Variants in DAAM2 observed in about 807,000 individuals in gnomAD.
DAAM2 encodes dishevelled associated activator of morphogenesis 2, also known as disheveled-associated activator of morphogenesis 2.
DAAM2 carries 39 observed loss-of-function variants against 120.7 expected under a neutral mutation model. The observed-to-expected ratio is 0.32, with a 90% confidence interval of 0.25 to 0.42. DAAM2 has a LOEUF of 0.42. Among genes scored for constraint, DAAM2 ranks in the 10% least tolerant of loss-of-function variants. DAAM2 has a pLI of 1.00. For synonymous variants in DAAM2, 488 were observed against 524.9 expected (o/e 0.93, Z 0.96); for missense variants, 1,283 against 1,401.7 (o/e 0.92, Z 1.35).
chr6:39,875,433 C>T lies in DAAM2; in HGVS notation c.1266C>T (p.Pro422=), dbSNP rs766458438. 2.2e-5 allele frequency: 35 copies of T among 1,613,830 alleles called. No individual in the cohort carries two copies. Among genetic ancestry groups the T allele is most frequent in the Non-Finnish European group, 2.9e-5 (34 of 1,179,860 alleles). The part of the protein sequence containing the change: ...DERGVDPDLA[P]LENFNVKNIV... ...GGGGTGTGGACCCTGACCTGGCTCC[C>T]TTGGAGAACTTCAATGTCAAGAACA... is the stretch of plus-strand genomic sequence containing the variant. Residue 422 remains proline, a synonymous_variant, in exon 11 of 25, where the codon CCC becomes CCT. Coordinates refer to ENST00000274867, the MANE Select transcript of DAAM2 (RefSeq NM_001201427.2).
intron 1 of DAAM2, among the ~76,000 whole-genome samples, chr6:39,804,824 G>C (rs1561994316): frequency 6.6e-6 from 1 of 152,192 alleles, no homozygotes; most frequent in Non-Finnish European, 1.5e-5. Flanking sequence ...GCAAAGTGCT[G>C]TGTAAGTCTT....
At chr6:39,798,560 C>T (rs985064244) in intron 1 of DAAM2, among the ~76,000 whole-genome samples, 1 of 152,154 alleles carries the variant, frequency 6.6e-6, no homozygotes. Context: ...TTTAAGACAA[C>T]ACAGATCAGG....
intron 1 of DAAM2, among the ~76,000 whole-genome samples, chr6:39,799,974 G>A (rs768122655): frequency 6.6e-6 from 1 of 152,192 alleles, no homozygotes; most frequent in Non-Finnish European, 1.5e-5. Context: ...ATGTTACTCT[G>A]TAGCATACTT....
chr6:39,878,309 C>T lies in DAAM2; in HGVS notation c.1360+48C>T, dbSNP rs776598872. On this transcript the variant is annotated intron_variant, in intron 12 of 24. Coordinates refer to ENST00000274867, the MANE Select transcript of DAAM2 (RefSeq NM_001201427.2). This position sits in a 1 kb window ranked among gnomAD's most constrained non-coding sequence, Gnocchi z 5.0. ...GCTGTCCACTCCACATGCCCTTCCC[C>T]TGCCCAGCCCATAACTCCATGCCCT... 6 of 1,612,312 alleles carry T rather than the reference C, an allele frequency of 3.7e-6. No homozygotes were observed. The highest frequency in any genetic ancestry group is 1.1e-5 in the South Asian group (1 of 90,814).
chr6:39,901,941 C>A lies in DAAM2; in HGVS notation c.3111C>A (p.Asp1037Glu), dbSNP rs1443034711. ...CCCTGCGCTCTGGGGAGGTCTTCGA[C>A]AAGGACTTATGCAAGCTCAAGCGCA... ...VSALRSGEVF[D>E]KDLCKLKRSR... The change falls in exon 25 of 25, where the codon GAC (aspartate) becomes GAA (glutamate). Residue 1037 changes from aspartate to glutamate, a missense_variant. By Grantham distance (45) the Asp-to-Glu change is conservative (BLOSUM62 2). Coordinates refer to ENST00000274867, the MANE Select transcript of DAAM2 (RefSeq NM_001201427.2). The surrounding 1 kb of genome is among the most constrained non-coding windows in gnomAD (Gnocchi z 4.5). The A allele has an allele frequency of 6.2e-7, 1 of 1,612,140 alleles. No individual in the cohort carries two copies. The highest frequency in any genetic ancestry group is 8.5e-7 in the Non-Finnish European group (1 of 1,178,546).
rs771206720 is a variant in DAAM2 at position 39,867,653 on chromosome 6, G to A, written c.572G>A (p.Arg191Gln). The A allele has an allele frequency of 3.7e-6, 6 of 1,613,900 alleles. No individual in the cohort carries two copies. The highest frequency in any genetic ancestry group is 4.2e-6 in the Non-Finnish European group (5 of 1,179,908). ...GCATTGATGAACAACTCCCAGGGGC[G>A]GGCACATGTGCTGGCACAGCCTGAG... ...IKALMNNSQG[R>Q]AHVLAQPEAI... The change falls in exon 6 of 25, where the codon CGG becomes CAG. Residue 191 changes from arginine (R) to glutamine (Q), a missense_variant. Physicochemically the swap from Arg to Gln is conservative, Grantham distance 43 (BLOSUM62 1). Around this residue, in one of 3 missense-constraint regions of DAAM2, gnomAD observed 338 missense variants for 443.9 expected, o/e 0.76. Coordinates refer to ENST00000274867, the MANE Select transcript of DAAM2 (RefSeq NM_001201427.2).
intron 10 of DAAM2, among the ~76,000 whole-genome samples, chr6:39,874,441 A>G (rs1259830448): frequency 6.6e-6 from 1 of 152,224 alleles, no homozygotes; most frequent in Non-Finnish European, 1.5e-5. Context: ...GTCTTCATGA[A>G]GGGCATAGAA....
intron 8 of DAAM2, among the ~76,000 whole-genome samples, chr6:39,871,171 G>A (rs1764644819): frequency 6.6e-6 from 1 of 152,178 alleles, no homozygotes; most frequent in African/African-American, 2.4e-5. Flanking sequence ...GGCATCTAGT[G>A]GGTGGAGGCT....
chr6:39,859,871 G>A (rs915915510), intron 2 of DAAM2, among the ~76,000 whole-genome samples: 5 of 151,962 alleles, frequency 3.3e-5, no homozygotes, highest in Admixed American at 3.3e-4. Context: ...AAAGTATAGG[G>A]AAAAGATTAC....
At chr6:39,870,959 A>G (rs1764636572) in intron 8 of DAAM2, among the ~76,000 whole-genome samples, 2 of 152,326 alleles carry the variant, frequency 1.3e-5, no homozygotes, top group Admixed American at 6.5e-5. Context: ...TTTAAGGGAC[A>G]GAGGATGGAT....
intron 7 of DAAM2, 46 bp downstream of exon 7, chr6:39,868,979 C>G (rs749033329): frequency 5.1e-6 from 7 of 1,365,294 alleles, no homozygotes; most frequent in Non-Finnish European, 7.2e-6. Flanking sequence ...ACTTTCTGGA[C>G]CTGGGGTAGA....
chr6:39,801,515 C>A (rs1196799242), intron 1 of DAAM2, among the ~76,000 whole-genome samples: 2 of 152,196 alleles, frequency 1.3e-5, no homozygotes, highest in African/African-American at 4.8e-5. Flanking sequence ...GGGGTGGTCC[C>A]AAGGGACCCT....
At position 39,904,636 on chromosome 6, in the gene DAAM2, CTGT is replaced by C. The variant is rs1286151210; in HGVS notation, c.*2601_*2603del. On this transcript the variant is annotated 3_prime_UTR_variant, in exon 25 of 25. Coordinates refer to ENST00000274867, the MANE Select transcript of DAAM2 (RefSeq NM_001201427.2). ...ATTCTCCAGGTGAATGGGGAAGGGT[CTGT>C]TCCAGCCTCTCCCTACTCCCATCCC... The C allele has an allele frequency of 8.8e-6, 4 of 454,016 alleles. No homozygotes were observed. Among genetic ancestry groups the C allele is most frequent in the African/African-American group, 2.0e-5 (1 of 49,988 alleles). 28.1% of individuals were successfully genotyped at this position (454,016 alleles called of 1,614,324 possible). A position where few individuals can be genotyped will look rare whatever the true frequency, so the allele number is the denominator to read the frequency against.
At chr6:39,856,544 C>G in intron 2 of DAAM2, 74 bp downstream of exon 2, 1 of 1,233,384 alleles carries the variant, frequency 8.1e-7, no homozygotes, top group Non-Finnish European at 1.1e-6. Context: ...GGACAGAGGG[C>G]AGGGCCCCTG....
intron 1 of DAAM2, among the ~76,000 whole-genome samples, chr6:39,806,424 T>TATG (rs1762011588): frequency 6.6e-6 from 1 of 152,214 alleles, no homozygotes; most frequent in Admixed American, 6.5e-5. Context: ...CATATAGCTA[T>TATG]GTGCCTTGAA....
In DAAM2 at chr6:39,868,885, A is replaced by C. The variant is rs1449867140; in HGVS notation, c.825A>C (p.Thr275=). ...ACCGGGATGAAGTGAATCTGAAAAC[A>C]GCCATCATGTCCTTCATCAATGCTG... ...GRYRDEVNLK[T]AIMSFINAVL... is the part of the protein sequence containing the mutation. The change falls in exon 7 of 25, where the codon ACA becomes ACC. Residue 275 remains threonine, a synonymous_variant. Transcript: ENST00000274867. 2 of 1,589,230 alleles carry C rather than the reference A, an allele frequency of 1.3e-6. No homozygotes were observed. Among genetic ancestry groups the C allele is most frequent in the Non-Finnish European group, 8.6e-7 (1 of 1,167,800 alleles).
chr6:39,873,233 C>T lies in DAAM2; in HGVS notation c.1045-5C>T, dbSNP rs1764734963. The T allele has an allele frequency of 6.2e-7, 1 of 1,600,638 alleles. No individual in the cohort carries two copies. Among genetic ancestry groups the T allele is most frequent in the Non-Finnish European group, 8.5e-7 (1 of 1,170,364 alleles). ...CACTGATCACTGTGCCCTCTTCTCT[C>T]CCAGGTCCACATCGACACCAAGAGT... is the stretch of plus-strand genomic sequence containing the variant. On this transcript the variant is annotated splice_polypyrimidine_tract_variant and splice_region_variant and intron_variant, in intron 9 of 24. Transcript: ENST00000274867.
intron 1 of DAAM2, among the ~76,000 whole-genome samples, chr6:39,815,902 G>T (rs1407687645): frequency 6.6e-6 from 1 of 152,176 alleles, no homozygotes; most frequent in Non-Finnish European, 1.5e-5. Context: ...GAGTAATTCA[G>T]CTGTCTTTAC....
chr6:39,872,977 C>T (rs1325079035), intron 9 of DAAM2, among the ~76,000 whole-genome samples: 1 of 152,192 alleles, frequency 6.6e-6, no homozygotes, highest in Non-Finnish European at 1.5e-5. Flanking sequence ...TGATACACAA[C>T]CTACAAAGCA....
Sources: gnomAD v4.1 joint callset for allele counts (sites outside exome capture counted in the v4.1 genomes callset) on GRCh38, gnomAD v4.1.1 for gene constraint, gnomAD v4.1.1 regional missense constraint, Gnocchi (gnomAD v3.1) non-coding constraint, MANE v1.5 for transcripts, NCBI Gene and HGNC (gene_info 2026-07-23, HGNC 2026-07-21) for gene names.